SERP2: variants seen among roughly 807,000 people sequenced by gnomAD.
The protein encoded by SERP2 is stress-associated endoplasmic reticulum protein 2.
Under a neutral mutation model 9.1 loss-of-function variants are expected in SERP2, and 6 were observed. The ratio of observed to expected loss-of-function variants is 0.66; its 90% CI spans 0.36 to 1.30. SERP2 has a LOEUF of 1.30. Ranked by LOEUF, SERP2 falls within the 50% of genes most tolerant of loss-of-function variation. SERP2 has a pLI of 0.03. For missense variants in SERP2, 58 were observed against 81.9 expected (o/e 0.71, Z 1.13); for synonymous variants, 37 against 27.3 (o/e 1.35, Z -1.10).
At chr13:44,396,429 C>T (rs1157635113) in intron 2 of SERP2, among the ~76,000 whole-genome samples, 1 of 148,054 alleles carries the variant, frequency 6.8e-6, no homozygotes, top group Non-Finnish European at 1.5e-5. Context: ...TACCCACCCT[C>T]CTTCAAAAAA....
At chr13:44,387,901 A>C (rs1872408111) in intron 2 of SERP2, among the ~76,000 whole-genome samples, 1 of 152,186 alleles carries the variant, frequency 6.6e-6, no homozygotes, top group East Asian at 1.9e-4. Flanking sequence ...GCCAACCCTG[A>C]TATTCATTTC....
intron 2 of SERP2, among the ~76,000 whole-genome samples, chr13:44,392,502 T>A (rs564892773): frequency 1.3e-5 from 2 of 152,022 alleles, no homozygotes; most frequent in African/African-American, 4.8e-5. Flanking sequence ...CACTGGGGTC[T>A]TGGGGAGGAT....
chr13:44,386,942 T>C (rs962084614), intron 2 of SERP2, among the ~76,000 whole-genome samples: 8 of 152,210 alleles, frequency 5.3e-5, no homozygotes, highest in Admixed American at 2.0e-4. Flanking sequence ...TCTCCCCTTT[T>C]AATACAAGTA....
At chr13:44,380,422 G>A (rs1225316580) in intron 2 of SERP2, among the ~76,000 whole-genome samples, 2 of 152,070 alleles carry the variant, frequency 1.3e-5, no homozygotes, top group African/African-American at 4.8e-5. Flanking sequence ...CTGAGGGCAG[G>A]GAGGCAGAAG....
At chr13:44,375,454 G>T (rs570159569) in intron 1 of SERP2, among the ~76,000 whole-genome samples, 1 of 152,030 alleles carries the variant, frequency 6.6e-6, no homozygotes, top group Non-Finnish European at 1.5e-5. Flanking sequence ...GCAGCAAAAT[G>T]CCAAGATGCC....
intron 2 of SERP2, among the ~76,000 whole-genome samples, chr13:44,391,922 C>A (rs1483424545): frequency 1.3e-5 from 2 of 151,998 alleles, no homozygotes; most frequent in East Asian, 3.9e-4. Flanking sequence ...TGTAAAAGCC[C>A]TGTGGTCTCA....
chr13:44,375,291 C>T (rs142456556), intron 1 of SERP2, among the ~76,000 whole-genome samples: 3 of 152,118 alleles, frequency 2.0e-5, no homozygotes, highest in East Asian at 3.9e-4. Context: ...AGCAGTATTA[C>T]GGCAGAGAAA....
At position 44,374,148 on chromosome 13, in the gene SERP2, GC is replaced by G. The variant is rs1424461318; in HGVS notation, c.84+42del. The G allele has an allele frequency of 5.5e-5, 35 of 632,222 alleles. 1 individual carries two copies. Among genetic ancestry groups the G allele is most frequent in the African/African-American group, 2.3e-4 (11 of 48,806 alleles). The allele number at this position is 632,222 out of a possible 1,614,324, so 39.2% of individuals were successfully genotyped here. A position where few individuals can be genotyped will look rare whatever the true frequency, so the allele number is the denominator to read the frequency against. Reference sequence around the variant, plus strand: ...GGCGCCGGCCAGGCAGAGCCCTGCAGCCCGGCGGGGTGGGGCGGAAGGTGGG... The same window carrying G: ...GGCGCCGGCCAGGCAGAGCCCTGCAGCCGGCGGGGTGGGGCGGAAGGTGGG... On this transcript the variant is annotated intron_variant, in intron 1 of 2. Transcript: ENST00000379179.
chr13:44,374,157 G>T, intron 1 of SERP2, 48 bp downstream of exon 1: 1 of 1,057,576 alleles, frequency 9.5e-7, no homozygotes. Flanking sequence ...AGCCCGGCGG[G>T]GTGGGGCGGA....
intron 2 of SERP2, among the ~76,000 whole-genome samples, chr13:44,381,238 CAAAAAAAAAAAA>C (rs58535681): frequency 2.2e-5 from 1 of 46,028 alleles, no homozygotes. Context: ...AACTCCGTCT[CAAAAAAAAAAAA>C]AAAAAAAAAA....
intron 2 of SERP2, among the ~76,000 whole-genome samples, chr13:44,383,270 T>C (rs1368018245): frequency 2.0e-5 from 3 of 152,180 alleles, no homozygotes. Context: ...TTAGGCAGCC[T>C]ATAAGGGAAA....
intron 2 of SERP2, among the ~76,000 whole-genome samples, chr13:44,383,741 C>CG (rs1272096153): frequency 6.8e-6 from 1 of 147,904 alleles, no homozygotes; most frequent in African/African-American, 2.5e-5. Context: ...TTAGTAGTGA[C>CG]GGGGTTTCAC....
intron 2 of SERP2, among the ~76,000 whole-genome samples, chr13:44,388,395 G>GTA (rs1395186270): frequency 6.6e-6 from 1 of 152,194 alleles, no homozygotes; most frequent in African/African-American, 2.4e-5. Flanking sequence ...TGTATGTACA[G>GTA]TATATCTCCC....
At chr13:44,385,451 C>T (rs56384730) in intron 2 of SERP2, among the ~76,000 whole-genome samples, 1,903 of 152,338 alleles carry the variant, frequency 0.012, 43 homozygotes, top group African/African-American at 0.043. Flanking sequence ...TGAGCGCACC[C>T]AAGCCCTGTT....
Position 44,397,512 on chromosome 13 carries a change from G to A in SERP2, c.*200G>A, listed in dbSNP as rs1434096820. 1 of 592,966 alleles carries A rather than the reference G, an allele frequency of 1.7e-6. No homozygotes were observed. Among genetic ancestry groups the A allele is most frequent in the Non-Finnish European group, 3.0e-6 (1 of 332,522 alleles). 36.7% of individuals were successfully genotyped at this position (592,966 alleles called of 1,614,324 possible). Reference sequence around the variant, plus strand: ...CATCTTGGTGCATCCGCGTTCTCAAGCGGAAAGGACATTTTGCTTTTCTGT... The same window carrying A: ...CATCTTGGTGCATCCGCGTTCTCAAACGGAAAGGACATTTTGCTTTTCTGT... On this transcript the variant is annotated 3_prime_UTR_variant, in exon 3 of 3. Coordinates refer to ENST00000379179, the MANE Select transcript of SERP2 (RefSeq NM_001010897.3).
chr13:44,396,554 C>T (rs1213468029), intron 2 of SERP2, among the ~76,000 whole-genome samples: 1 of 152,122 alleles, frequency 6.6e-6, no homozygotes, highest in African/African-American at 2.4e-5. Flanking sequence ...TGGGATCTTC[C>T]GCTCCTGGGA....
intron 2 of SERP2, among the ~76,000 whole-genome samples, chr13:44,389,482 T>A (rs1332535565): frequency 6.6e-6 from 1 of 152,170 alleles, no homozygotes; most frequent in Non-Finnish European, 1.5e-5. Flanking sequence ...TTCTTGTAAT[T>A]ATGTTTATGG....
At chr13:44,382,468 AAAAAC>A (rs1872048175) in intron 2 of SERP2, among the ~76,000 whole-genome samples, 1 of 151,716 alleles carries the variant, frequency 6.6e-6, no homozygotes, top group East Asian at 1.9e-4. Context: ...AGAACAAAAT[AAAAAC>A]AAACAAAACT....
At chr13:44,374,226 C>A in intron 1 of SERP2, 117 bp downstream of exon 1, 1 of 686,944 alleles carries the variant, frequency 1.5e-6, no homozygotes. Context: ...GCTCCCGGCC[C>A]GCCCCTTCTG....
Sources: allele counts gnomAD v4.1 joint callset (sites outside exome capture counted in the v4.1 genomes callset), GRCh38; gene constraint gnomAD v4.1.1; transcripts MANE v1.5; gene names NCBI Gene and HGNC (gene_info 2026-07-23, HGNC 2026-07-21).